The following TNRC18 variants were observed in gnomAD, a reference collection of about 807,000 sequenced individuals.
TNRC18 encodes trinucleotide repeat containing 18, also known as trinucleotide repeat-containing gene 18 protein.
Under a neutral mutation model 226.7 loss-of-function variants are expected in TNRC18, and 69 were observed. That is an observed-to-expected ratio of 0.30 (90% CI 0.25 to 0.37). The LOEUF is 0.37. Ranked by LOEUF, TNRC18 falls within the 10% of genes least tolerant of loss-of-function variation. TNRC18 has a pLI of 1.00. For missense variants in TNRC18, 4,754 were observed against 4,256.6 expected (o/e 1.12, Z -3.25); for synonymous variants, 2,449 against 1,927.6 (o/e 1.27, Z -7.09).
intron 5 of TNRC18, among the ~76,000 whole-genome samples, chr7:5,380,271 C>A (rs1170111564): frequency 6.6e-6 from 1 of 152,166 alleles, no homozygotes; most frequent in Non-Finnish European, 1.5e-5. Flanking sequence ...CACAGTGAGT[C>A]CCCATCTCTA....
At chr7:5,375,429 T>C (rs1375563958) in intron 9 of TNRC18, among the ~76,000 whole-genome samples, 2 of 152,204 alleles carry the variant, frequency 1.3e-5, no homozygotes, top group Non-Finnish European at 2.9e-5. Context: ...AACGCTAGCA[T>C]CTGTTTCTGG....
intron 3 of TNRC18, among the ~76,000 whole-genome samples, chr7:5,391,809 A>C (rs1294213696): frequency 4.8e-5 from 7 of 144,566 alleles, no homozygotes; most frequent in African/African-American, 1.9e-4. Context: ...CCAGCCTGGG[A>C]AACATAGTGT....
At chr7:5,343,093 C>T (rs1017419050) in intron 18 of TNRC18, among the ~76,000 whole-genome samples, 9 of 152,174 alleles carry the variant, frequency 5.9e-5, no homozygotes, top group African/African-American at 2.2e-4. Flanking sequence ...GTGGCTCACA[C>T]CTGGAATCCC....
At chr7:5,386,907 T>C (rs1779832064) in intron 5 of TNRC18, among the ~76,000 whole-genome samples, 1 of 151,990 alleles carries the variant, frequency 6.6e-6, no homozygotes, top group Non-Finnish European at 1.5e-5. Flanking sequence ...AAACCCTGTC[T>C]CTACTAAAAA....
At chr7:5,413,576 T>C (rs1156889860) in intron 2 of TNRC18, among the ~76,000 whole-genome samples, 2 of 152,210 alleles carry the variant, frequency 1.3e-5, no homozygotes, top group African/African-American at 2.4e-5. Context: ...CCCAGACCAC[T>C]GTGAGTGCAG....
intron 16 of TNRC18, 93 bp downstream of exon 16, chr7:5,356,823 T>A (rs1478373805): frequency 1.4e-5 from 18 of 1,261,270 alleles, no homozygotes; most frequent in African/African-American, 1.1e-4. Flanking sequence ...AGAGAGAGAG[T>A]GAGGGGCGGG....
chr7:5,313,586 G>C lies in TNRC18; in HGVS notation c.7305C>G (p.Pro2435=), dbSNP rs1787523671. ...APLITMPATR[P]KPKKARAAEE... is the part of the protein sequence containing the mutation. ...CGGCTGCCCGCGCCTTCTTGGGCTT[G>C]GGGCGTGTGGCAGGCATGGTGATGA... Residue 2435 remains proline, a synonymous_variant, in exon 27 of 30, where the codon CCC becomes CCG. Coordinates refer to ENST00000430969, the MANE Select transcript of TNRC18 (RefSeq NM_001080495.3). 1 of 1,604,332 alleles carries C rather than the reference G, an allele frequency of 6.2e-7. No homozygotes were observed. Among genetic ancestry groups the C allele is most frequent in the South Asian group, 1.1e-5 (1 of 90,026 alleles).
chr7:5,313,582 G>A lies in TNRC18; in HGVS notation c.7309C>T (p.Pro2437Ser). The A allele has an allele frequency of 6.2e-7, 1 of 1,604,726 alleles. No homozygotes were observed. The highest frequency in any genetic ancestry group is 1.1e-5 in the South Asian group (1 of 90,062). The change falls in exon 27 of 30, where the codon CCC (proline) becomes TCC (serine). Residue 2437 changes from proline (P) to serine (S), a missense_variant. Pro to Ser is a moderately conservative substitution (Grantham distance 74, BLOSUM62 -1). Transcript: ENST00000430969. ...LITMPATRPK[P>S]KKARAAEESG... Reference sequence around the variant, plus strand: ...TCCTCGGCTGCCCGCGCCTTCTTGGGCTTGGGGCGTGTGGCAGGCATGGTG... The same window carrying A: ...TCCTCGGCTGCCCGCGCCTTCTTGGACTTGGGGCGTGTGGCAGGCATGGTG...
At chr7:5,321,396 G>T (rs185483543) in intron 21 of TNRC18, among the ~76,000 whole-genome samples, 210 of 152,224 alleles carry the variant, frequency 1.4e-3, no homozygotes, top group Middle Eastern at 6.8e-3. Flanking sequence ...ACAGGGTGCC[G>T]TGGCCAGCCC....
At chr7:5,331,939 C>T (rs976526093) in intron 19 of TNRC18, among the ~76,000 whole-genome samples, 4 of 151,908 alleles carry the variant, frequency 2.6e-5, no homozygotes, top group African/African-American at 7.3e-5. Flanking sequence ...ATTTTAAGTA[C>T]GGTATTTACT....
At chr7:5,413,504 GTC>G (rs1357906066) in intron 2 of TNRC18, among the ~76,000 whole-genome samples, 2 of 152,126 alleles carry the variant, frequency 1.3e-5, no homozygotes, top group African/African-American at 4.8e-5. Flanking sequence ...CTACCAGACT[GTC>G]TCTGGCTAGC....
At chr7:5,391,816 G>C (rs1780320325) in intron 3 of TNRC18, among the ~76,000 whole-genome samples, 1 of 139,510 alleles carries the variant, frequency 7.2e-6, no homozygotes, top group Non-Finnish European at 1.5e-5. Flanking sequence ...GGGAAACATA[G>C]TGTGACCCCA....
intron 14 of TNRC18, among the ~76,000 whole-genome samples, chr7:5,361,391 C>T (rs1032282429): frequency 1.3e-5 from 2 of 152,218 alleles, no homozygotes; most frequent in Non-Finnish European, 2.9e-5. Flanking sequence ...GTCGCAGGAG[C>T]CATCCTCCAG....
At chr7:5,325,568 C>T (rs1682846070) in intron 19 of TNRC18, 9 of 302,396 alleles carry the variant, frequency 3.0e-5, no homozygotes, top group Non-Finnish European at 5.6e-5. Context: ...GGACTACAGG[C>T]ACCCGCCACC....
In TNRC18 at chr7:5,388,958, C is replaced by T; in HGVS notation, c.866G>A (p.Gly289Glu). The T allele has an allele frequency of 7.2e-7, 1 of 1,386,598 alleles. No homozygotes were observed. The highest frequency in any genetic ancestry group is 1.4e-5 in the South Asian group (1 of 72,236). 85.9% of individuals were successfully genotyped at this position (1,386,598 alleles called of 1,614,324 possible). ...SVLTMCNGGA[G>E]DVGLPALVAE... ...CACCAGCGCGGGCAGCCCCACGTCCCCGGCGCCGCCGTTGCACATGGTCAG... is the reference window on the plus strand; with the variant it reads ...CACCAGCGCGGGCAGCCCCACGTCCTCGGCGCCGCCGTTGCACATGGTCAG... Residue 289 changes from glycine to glutamate, a missense_variant, in exon 5 of 30, where the codon GGG becomes GAG. Coordinates refer to ENST00000430969, the MANE Select transcript of TNRC18 (RefSeq NM_001080495.3).
chr7:5,381,494 C>G lies in TNRC18; in HGVS notation c.2153-3470G>C, dbSNP rs1779392501. Among the ~76,000 whole-genome samples the G allele has an allele frequency of 5.3e-5, 8 of 152,182 alleles. No individual in the cohort carries two copies. In the South Asian group the frequency reaches 1.4e-3, roughly 28 times the overall value. ...GAAGCCCTCCCTGACCACCTCTGCT[C>G]CATCACGTTCTCTTGACTATACACA... On this transcript the variant is annotated intron_variant, in intron 5 of 29. Coordinates refer to ENST00000430969, the MANE Select transcript of TNRC18 (RefSeq NM_001080495.3).
rs745811675 is a variant in TNRC18 at position 5,388,260 on chromosome 7, G to C, written c.1564C>G (p.Gln522Glu). 6 of 1,608,894 alleles carry C rather than the reference G, an allele frequency of 3.7e-6. No individual in the cohort carries two copies. In the South Asian group the frequency reaches 6.6e-5, roughly 18 times the overall value. Residue 522 changes from glutamine to glutamate, a missense_variant, in exon 5 of 30, where the codon CAG (glutamine) becomes GAG (glutamate). Physicochemically the swap from Gln to Glu is conservative, Grantham distance 29. Coordinates refer to ENST00000430969, the MANE Select transcript of TNRC18 (RefSeq NM_001080495.3). ...TGCTGCGCGGCCAGCACGGCCATCT[G>C]CGTGGCGGCGAAGTTGCCCAGCTCG... is the stretch of plus-strand genomic sequence containing the variant. ...PFELGNFAAT[Q>E]MAVLAAQHHH...
intron 15 of TNRC18, among the ~76,000 whole-genome samples, chr7:5,357,720 C>T (rs1792595255): frequency 6.6e-6 from 1 of 152,162 alleles, no homozygotes; most frequent in Non-Finnish European, 1.5e-5. Flanking sequence ...AACTTTTAGG[C>T]TCAAGCCATT....
chr7:5,409,985 C>T (rs1234576016), intron 2 of TNRC18, among the ~76,000 whole-genome samples: 1 of 146,928 alleles, frequency 6.8e-6, no homozygotes, highest in African/African-American at 2.5e-5. Context: ...AGCAAGACTA[C>T]GTCTCAAAAA....
Sources: gnomAD v4.1 joint callset for allele counts (sites outside exome capture counted in the v4.1 genomes callset) on GRCh38, gnomAD v4.1.1 for gene constraint, MANE v1.5 for transcripts, NCBI Gene and HGNC (gene_info 2026-07-23, HGNC 2026-07-21) for gene names.